The following FRMD5 variants were observed in gnomAD, a reference collection of about 807,000 sequenced individuals.
FRMD5 encodes the protein FERM domain-containing protein 5.
In FRMD5, 20 loss-of-function variants were observed where a neutral mutation model predicts 69.0. That is an observed-to-expected ratio of 0.29 (90% CI 0.20 to 0.42). The LOEUF (loss-of-function observed/expected upper bound fraction) is 0.42. Ranked by LOEUF, FRMD5 falls within the 10% of genes least tolerant of loss-of-function variation. The probability of loss-of-function intolerance (pLI) is 1.00; values close to 1 mark genes in which losing one functional copy is unlikely to be tolerated. For missense variants in FRMD5, 595 were observed against 708.6 expected, an observed-to-expected ratio of 0.84 and a Z score of 1.82; for synonymous variants, 271 against 260.1, an observed-to-expected ratio of 1.04 and a Z score of -0.40.
intron 13 of FRMD5, among the ~76,000 whole-genome samples, chr15:43,880,547 A>G (rs758889347): frequency 3.3e-5 from 5 of 152,210 alleles, no homozygotes; most frequent in Non-Finnish European, 5.9e-5. Flanking sequence ...AATTGCTACA[A>G]TCTTTTATTT....
At chr15:43,977,027 T>G (rs546026232) in intron 1 of FRMD5, among the ~76,000 whole-genome samples, 1 of 151,968 alleles carries the variant, frequency 6.6e-6, no homozygotes, top group Non-Finnish European at 1.5e-5. Flanking sequence ...AGAAACAGGG[T>G]TTCACCATGT....
intron 1 of FRMD5, among the ~76,000 whole-genome samples, chr15:43,962,459 T>C (rs920756086): frequency 5.3e-5 from 8 of 152,122 alleles, no homozygotes; most frequent in Admixed American, 1.3e-4. Flanking sequence ...AGAATCAGTA[T>C]CGTGAAAATG....
chr15:44,045,888 C>T (rs949258739), intron 1 of FRMD5, among the ~76,000 whole-genome samples: 15 of 152,152 alleles, frequency 9.9e-5, no homozygotes, highest in African/African-American at 3.4e-4. Context: ...AGCTCATGAT[C>T]AGGGCTTGAA....
chr15:44,169,444 G>A (rs947695422), intron 1 of FRMD5, among the ~76,000 whole-genome samples: 6 of 152,118 alleles, frequency 3.9e-5, no homozygotes, highest in African/African-American at 1.4e-4. Flanking sequence ...AGATCACCAG[G>A]TGGAAAGGGA....
chr15:43,977,192 G>C (rs2090477353), intron 1 of FRMD5, among the ~76,000 whole-genome samples: 1 of 152,132 alleles, frequency 6.6e-6, no homozygotes, highest in Non-Finnish European at 1.5e-5. Context: ...TGGAACTGCA[G>C]GGGGCTGGGG....
chr15:44,131,422 T>C (rs1319644610), intron 1 of FRMD5, among the ~76,000 whole-genome samples: 1 of 152,026 alleles, frequency 6.6e-6, no homozygotes, highest in Admixed American at 6.6e-5. Context: ...ATAATTACTA[T>C]ATGATCCAAA....
intron 1 of FRMD5, among the ~76,000 whole-genome samples, chr15:43,968,696 GCTAGT>G (rs2090331910): frequency 6.6e-6 from 1 of 152,102 alleles, no homozygotes; most frequent in African/African-American, 2.4e-5. Flanking sequence ...TGTTTTATTG[GCTAGT>G]CTAAAGGAAA....
chr15:44,139,697 C>T (rs2140440681), intron 1 of FRMD5, among the ~76,000 whole-genome samples: 1 of 122,856 alleles, frequency 8.1e-6, no homozygotes, highest in African/African-American at 3.0e-5. Flanking sequence ...TGGAGACCAG[C>T]CTGGGCAATA....
intron 5 of FRMD5, 38 bp downstream of exon 5, chr15:43,909,844 G>A: frequency 8.2e-7 from 1 of 1,221,820 alleles, no homozygotes; most frequent in Non-Finnish European, 1.2e-6. Flanking sequence ...ATCAGTACTT[G>A]GCATGAAAAG....
At chr15:43,933,897 C>T (rs146507895) in intron 1 of FRMD5, among the ~76,000 whole-genome samples, 38 of 152,258 alleles carry the variant, frequency 2.5e-4, no homozygotes, top group Admixed American at 1.4e-3. Flanking sequence ...AAACTCAATC[C>T]GGGGAAAGAA....
chr15:43,978,207 T>A (rs898517275), intron 1 of FRMD5, among the ~76,000 whole-genome samples: 1 of 152,178 alleles, frequency 6.6e-6, no homozygotes. Context: ...AATAAGCAGA[T>A]GAGAAGCAGC....
intron 1 of FRMD5, among the ~76,000 whole-genome samples, chr15:43,977,371 C>T (rs1290771227): frequency 2.6e-5 from 4 of 152,092 alleles, no homozygotes; most frequent in Non-Finnish European, 5.9e-5. Flanking sequence ...CACATTCCCA[C>T]CTCTTTGTAT....
At chr15:44,050,435 C>T (rs1334106845) in intron 1 of FRMD5, among the ~76,000 whole-genome samples, 4 of 151,668 alleles carry the variant, frequency 2.6e-5, no homozygotes, top group African/African-American at 9.7e-5. Context: ...CCATGGCTCA[C>T]TGCAGCCTTA....
chr15:44,036,781 C>T (rs993883835), intron 1 of FRMD5, among the ~76,000 whole-genome samples: 4 of 152,100 alleles, frequency 2.6e-5, no homozygotes, highest in Admixed American at 1.3e-4. Flanking sequence ...TTTTGTGCAT[C>T]GGCCTTCAGT....
intron 1 of FRMD5, among the ~76,000 whole-genome samples, chr15:44,029,350 C>T (rs56395214): frequency 1.4e-4 from 22 of 151,830 alleles, no homozygotes; most frequent in Non-Finnish European, 2.4e-4. Flanking sequence ...CCACAAATAG[C>T]TGTGCAGGAT....
At chr15:44,067,776 T>C (rs1422265145) in intron 1 of FRMD5, among the ~76,000 whole-genome samples, 1 of 152,000 alleles carries the variant, frequency 6.6e-6, no homozygotes, top group Admixed American at 6.5e-5. Flanking sequence ...TAGCAGACAC[T>C]ACCAAAAAAG....
intron 1 of FRMD5, among the ~76,000 whole-genome samples, chr15:44,059,051 G>A (rs1260757891): frequency 6.6e-6 from 1 of 152,184 alleles, no homozygotes; most frequent in East Asian, 1.9e-4. Context: ...CTGTGCAACT[G>A]GCAGAGAAGT....
intron 1 of FRMD5, among the ~76,000 whole-genome samples, chr15:44,079,038 T>G (rs992020209): frequency 1.3e-5 from 2 of 152,030 alleles, no homozygotes; most frequent in Non-Finnish European, 2.9e-5. Context: ...GCAATTGACA[T>G]TCAGATATAT....
chr15:43,986,362 T>C (rs929722921), intron 1 of FRMD5, among the ~76,000 whole-genome samples: 1 of 152,082 alleles, frequency 6.6e-6, no homozygotes, highest in African/African-American at 2.4e-5. Flanking sequence ...GGAATGTAAA[T>C]AGGGTTATAG....
Sources: allele counts gnomAD v4.1 joint callset (sites outside exome capture counted in the v4.1 genomes callset), GRCh38; gene constraint gnomAD v4.1.1; transcripts MANE v1.5; gene names NCBI Gene and HGNC (gene_info 2026-07-23, HGNC 2026-07-21).